FCHSD2: variants seen among roughly 807,000 people sequenced by gnomAD.
FCHSD2 encodes the protein F-BAR and double SH3 domains protein 2.
In FCHSD2, 38 loss-of-function variants were observed where a neutral mutation model predicts 108.1. The ratio of observed to expected loss-of-function variants is 0.35; its 90% confidence interval spans 0.27 to 0.46. The LOEUF (loss-of-function observed/expected upper bound fraction) is 0.46. FCHSD2 is among the 20% of genes least tolerant of loss of function. The probability of loss-of-function intolerance (pLI) is 1.00; values close to 1 mark genes in which losing one functional copy is unlikely to be tolerated. For missense variants in FCHSD2, 751 were observed against 897.8 expected, an observed-to-expected ratio of 0.84 and a Z score of 2.09; for synonymous variants, 279 against 314.7, an observed-to-expected ratio of 0.89 and a Z score of 1.20.
chr11:73,113,674 C>T (rs1455820817), intron 2 of FCHSD2, among the ~76,000 whole-genome samples: 2 of 152,104 alleles, frequency 1.3e-5, no homozygotes, highest in East Asian at 1.9e-4. Flanking sequence ...TGTTTGTACC[C>T]GTCCTTCTTG....
At chr11:72,975,801 T>C (rs1300864263) in intron 8 of FCHSD2, among the ~76,000 whole-genome samples, 1 of 152,216 alleles carries the variant, frequency 6.6e-6, no homozygotes, top group South Asian at 2.1e-4. Flanking sequence ...AACTAGTCAA[T>C]GTATGTTTGG....
At chr11:73,009,686 G>GT (rs537596679) in intron 4 of FCHSD2, among the ~76,000 whole-genome samples, 212 of 148,902 alleles carry the variant, frequency 1.4e-3, no homozygotes, top group African/African-American at 4.5e-3. Flanking sequence ...TTGGTTGGTA[G>GT]TTTTTTTTTT....
At chr11:72,979,109 C>T (rs1452515588) in intron 8 of FCHSD2, among the ~76,000 whole-genome samples, 2 of 152,040 alleles carry the variant, frequency 1.3e-5, no homozygotes, top group African/African-American at 2.4e-5. Flanking sequence ...CTGCCCACCT[C>T]GGCCTCCCAA....
rs143658197 is a variant in FCHSD2 at position 72,847,226 on chromosome 11, G to A, written c.1443+2529C>T. Among the ~76,000 whole-genome samples the A allele has an allele frequency of 3.6e-3, 548 of 152,220 alleles. 2 individuals carry two copies. The highest frequency in any genetic ancestry group is 5.3e-3 in the Non-Finnish European group (361 of 68,008). The stretch of plus-strand genomic sequence containing the variant: ...TTGCCCAGGCTGGTCTCAAACTCCC[G>A]GCTTCAAGTGATCTTCTCGCTTTGG... On this transcript the variant is annotated intron_variant, in intron 14 of 19. Transcript: ENST00000409418.
chr11:73,128,135 A>C (rs1860903854), intron 2 of FCHSD2, among the ~76,000 whole-genome samples: 1 of 152,176 alleles, frequency 6.6e-6, no homozygotes, highest in Admixed American at 6.5e-5. Context: ...AGAGGCCAAA[A>C]TACAAAAACC....
At chr11:72,896,546 T>C (rs1565310823) in intron 10 of FCHSD2, among the ~76,000 whole-genome samples, 1 of 152,006 alleles carries the variant, frequency 6.6e-6, no homozygotes, top group Non-Finnish European at 1.5e-5. Context: ...TCCAAACAGA[T>C]TGCCTTTCAG....
rs527300920 is a variant in FCHSD2 at position 72,838,217 on chromosome 11, T to C, written c.*574A>G. The stretch of plus-strand genomic sequence containing the variant: ...GTGGAAGAGATGTGCGTTAATGCAA[T>C]TGGTGCTAAATTCAGGGCAGTCCAA... On this transcript the variant is annotated 3_prime_UTR_variant, in exon 20 of 20. Transcript: ENST00000409418. 5.2e-5 allele frequency: 8 copies of C among 153,102 alleles called. No individual in the cohort carries two copies. The highest frequency in any genetic ancestry group is 4.5e-4 in the Admixed American group (7 of 15,414). The allele number at this position is 153,102 out of a possible 1,614,324, so 9.5% of individuals were successfully genotyped here.
intron 14 of FCHSD2, 50 bp from the exon 15 acceptor site, chr11:72,843,582 C>T: frequency 1.6e-6 from 2 of 1,247,796 alleles, no homozygotes; most frequent in Non-Finnish European, 2.3e-6. Context: ...AGATAAGGAG[C>T]AGATGTGAGC....
intron 3 of FCHSD2, among the ~76,000 whole-genome samples, chr11:73,020,920 G>C (rs982683092): frequency 6.6e-6 from 1 of 151,982 alleles, no homozygotes; most frequent in Admixed American, 6.6e-5. Flanking sequence ...TGTCACCCAG[G>C]CTGGAAGGCA....
chr11:72,913,042 A>C (rs888681707), intron 9 of FCHSD2, among the ~76,000 whole-genome samples: 2 of 152,210 alleles, frequency 1.3e-5, no homozygotes, highest in Admixed American at 1.3e-4. Context: ...TGGCAGGAGC[A>C]GGAGGAAAAG....
chr11:72,965,964 A>G (rs987189704), intron 8 of FCHSD2, among the ~76,000 whole-genome samples: 1 of 152,202 alleles, frequency 6.6e-6, no homozygotes, highest in African/African-American at 2.4e-5. Flanking sequence ...AAATATAAAC[A>G]TCGGCAGGAA....
At chr11:73,083,541 C>A (rs1236792364) in intron 3 of FCHSD2, among the ~76,000 whole-genome samples, 154 bp downstream of exon 3, 1 of 149,986 alleles carries the variant, frequency 6.7e-6, no homozygotes, top group Non-Finnish European at 1.5e-5. Context: ...AAGCGAGACT[C>A]CATCTCAGAA....
In FCHSD2 at chr11:72,843,507, A is replaced by G. The variant is rs1224216560; in HGVS notation, c.1469T>C (p.Ile490Thr). 12 of 1,613,576 alleles carry G rather than the reference A, an allele frequency of 7.4e-6. No homozygotes were observed. Among genetic ancestry groups the G allele is most frequent in the South Asian group, 1.1e-5 (1 of 91,074 alleles). Residue 490 changes from isoleucine to threonine, a missense_variant, in exon 15 of 20, where the codon ATT (isoleucine) becomes ACT (threonine). Physicochemically the swap from Ile to Thr is moderately conservative, Grantham distance 89 (BLOSUM62 -1). Transcript: ENST00000409418. The stretch of plus-strand genomic sequence containing the variant: ...CACTTCTAACACCTCATGTTCCTCA[A>G]TGGTCAACTCATCTGGTTGAGAAGC... ...YKASQPDELT[I>T]EEHEVLEVIE...
At chr11:73,069,310 C>CAAAAAAAA (rs369961395) in intron 3 of FCHSD2, among the ~76,000 whole-genome samples, 2 of 45,972 alleles carry the variant, frequency 4.4e-5, no homozygotes, top group African/African-American at 8.5e-5. Flanking sequence ...AACTCTGTCT[C>CAAAAAAAA]AAAAAAAAAA....
chr11:73,142,112 C>A lies in FCHSD2; in HGVS notation c.-235G>T, dbSNP rs1244258764. On this transcript the variant is annotated 5_prime_UTR_variant, in exon 1 of 20. Transcript: ENST00000409418. ...CCGGGAAGGCTTGGGGCCCGGGCGG[C>A]CCGGGCGGCCCGGGGGTGTGTGAGG... 8 of 423,242 alleles carry A rather than the reference C, an allele frequency of 1.9e-5. No homozygotes were observed. Among genetic ancestry groups the A allele is most frequent in the Non-Finnish European group, 3.4e-5 (8 of 237,074 alleles). The allele number at this position is 423,242 out of a possible 1,614,324, so 26.2% of individuals were successfully genotyped here. A position where few individuals can be genotyped will look rare whatever the true frequency, so the allele number is the denominator to read the frequency against.
chr11:72,872,817 C>T (rs1225379852), intron 12 of FCHSD2, among the ~76,000 whole-genome samples: 1 of 152,122 alleles, frequency 6.6e-6, no homozygotes, highest in Non-Finnish European at 1.5e-5. Context: ...GTAGGGCTGG[C>T]ATTGCTGGAT....
At chr11:73,095,462 C>T (rs1188024341) in intron 2 of FCHSD2, among the ~76,000 whole-genome samples, 1 of 152,240 alleles carries the variant, frequency 6.6e-6, no homozygotes, top group East Asian at 1.9e-4. Context: ...AAGTCAGACT[C>T]TCCCCTCTCC....
intron 8 of FCHSD2, among the ~76,000 whole-genome samples, chr11:72,936,631 T>A (rs1031006655): frequency 3.3e-5 from 5 of 152,168 alleles, no homozygotes; most frequent in Non-Finnish European, 7.3e-5. Context: ...GAAATAAAAA[T>A]TTTTAAAAAA....
intron 8 of FCHSD2, among the ~76,000 whole-genome samples, chr11:72,968,090 C>CAAA (rs10670606): frequency 0.015 from 1,295 of 87,558 alleles, 14 homozygotes; most frequent in African/African-American, 0.051. Context: ...GACTCTGTCT[C>CAAA]AAAAAAAAAA....
Sources: allele counts gnomAD v4.1 joint callset (sites outside exome capture counted in the v4.1 genomes callset), GRCh38; gene constraint gnomAD v4.1.1; transcripts MANE v1.5; gene names NCBI Gene and HGNC (gene_info 2026-07-23, HGNC 2026-07-21).